The following GRID2 variants were observed in gnomAD, a reference collection of about 807,000 sequenced individuals.
GRID2 encodes glutamate receptor ionotropic, delta-2.
Under a neutral mutation model 114.8 loss-of-function variants are expected in GRID2, and 33 were observed. That is an observed-to-expected ratio of 0.29 (90% CI 0.22 to 0.38). The LOEUF (loss-of-function observed/expected upper bound fraction) is 0.38, where lower values mean the gene tolerates loss of function less well. Ranked by LOEUF, GRID2 falls within the 10% of genes least tolerant of loss-of-function variation. GRID2 has a pLI of 1.00. For missense variants in GRID2, 1,184 were observed against 1,257.7 expected (o/e 0.94, Z 0.89); for synonymous variants, 505 against 449.9 (o/e 1.12, Z -1.55).
At chr4:93,491,783 C>A (rs1442499833) in intron 12 of GRID2, among the ~76,000 whole-genome samples, 1 of 151,526 alleles carries the variant, frequency 6.6e-6, no homozygotes, top group Non-Finnish European at 1.5e-5. Context: ...CATTAGTAGC[C>A]ACAAAACTAT....
chr4:93,786,333 G>A (rs1307589232), intron 1 of GRID2, among the ~76,000 whole-genome samples: 3 of 152,192 alleles, frequency 2.0e-5, no homozygotes, highest in African/African-American at 7.2e-5. Context: ...CAGGAAAGGA[G>A]CTCAACCTAG....
At chr4:93,755,677 T>C (rs1447524607) in intron 14 of GRID2, among the ~76,000 whole-genome samples, 1 of 152,200 alleles carries the variant, frequency 6.6e-6, no homozygotes, top group Non-Finnish European at 1.5e-5. Flanking sequence ...ATGCTATACA[T>C]TTAATGATGT....
chr4:93,070,034 A>G (rs1023611107), intron 2 of GRID2, among the ~76,000 whole-genome samples: 1 of 152,088 alleles, frequency 6.6e-6, no homozygotes, highest in Admixed American at 6.6e-5. Flanking sequence ...TTTTGATTTT[A>G]TGTCTTCACT....
chr4:93,341,621 A>G (rs1251989457), intron 8 of GRID2, among the ~76,000 whole-genome samples: 3 of 152,120 alleles, frequency 2.0e-5, no homozygotes, highest in Non-Finnish European at 4.4e-5. Context: ...ACTGTTCCCA[A>G]CCTTTAGTAA....
At chr4:93,355,871 T>C (rs576180264) in intron 8 of GRID2, among the ~76,000 whole-genome samples, 2 of 152,164 alleles carry the variant, frequency 1.3e-5, no homozygotes, top group African/African-American at 4.8e-5. Context: ...CAAGAAAGTA[T>C]GATCCTACTA....
At chr4:93,510,301 T>C (rs1472287940) in intron 12 of GRID2, among the ~76,000 whole-genome samples, 1 of 152,144 alleles carries the variant, frequency 6.6e-6, no homozygotes, top group Non-Finnish European at 1.5e-5. Context: ...AGGCTAAATG[T>C]AGTTTTTAAT....
intron 8 of GRID2, among the ~76,000 whole-genome samples, chr4:93,295,979 T>C (rs1352399992): frequency 2.6e-5 from 4 of 152,202 alleles, no homozygotes; most frequent in African/African-American, 9.7e-5. Flanking sequence ...AGAGCTGTAT[T>C]TGTTTCCTAT....
At chr4:93,266,275 C>T (rs1750819374) in intron 8 of GRID2, among the ~76,000 whole-genome samples, 1 of 152,052 alleles carries the variant, frequency 6.6e-6, no homozygotes, top group Non-Finnish European at 1.5e-5. Context: ...TATTCGAGGA[C>T]CTACTGTATA....
rs1271268494 is a variant in GRID2 at position 93,377,709 on chromosome 4, T to C, written c.1246-17898T>C. On this transcript the variant is annotated intron_variant, in intron 8 of 15. Transcript: ENST00000282020. The stretch of plus-strand genomic sequence containing the variant: ...GAATAAAATATTATAATAACACTTC[T>C]GAGGATTGAGATGATGTTTGAAGTT... Among the ~76,000 whole-genome samples the C allele has an allele frequency of 3.9e-5, 6 of 152,316 alleles. No homozygotes were observed. The East Asian group carries it at 1.2e-3, about 29-fold the overall frequency.
chr4:92,652,692 C>A (rs1203837911), intron 2 of GRID2, among the ~76,000 whole-genome samples: 1 of 134,988 alleles, frequency 7.4e-6, no homozygotes, highest in Non-Finnish European at 1.6e-5. Context: ...TAATTTTGGC[C>A]GGGCGCGGTG....
At chr4:93,647,993 A>G (rs1722258645) in intron 14 of GRID2, among the ~76,000 whole-genome samples, 3 of 152,190 alleles carry the variant, frequency 2.0e-5, no homozygotes, top group Non-Finnish European at 4.4e-5. Context: ...ACACTGACAC[A>G]TAGAGTAGCT....
chr4:92,898,619 GGA>G (rs1747342006), intron 2 of GRID2, among the ~76,000 whole-genome samples: 1 of 152,106 alleles, frequency 6.6e-6, no homozygotes, highest in African/African-American at 2.4e-5. Flanking sequence ...GAGAGAAAAA[GGA>G]GAGAGCCTTC....
At chr4:93,144,631 A>G (rs1451950311) in intron 4 of GRID2, among the ~76,000 whole-genome samples, 1 of 152,190 alleles carries the variant, frequency 6.6e-6, no homozygotes, top group African/African-American at 2.4e-5. Flanking sequence ...GAAATAGCCC[A>G]AAGTCATAAA....
At chr4:93,375,020 A>G (rs990919188) in intron 8 of GRID2, among the ~76,000 whole-genome samples, 3 of 152,032 alleles carry the variant, frequency 2.0e-5, no homozygotes, top group African/African-American at 7.2e-5. Flanking sequence ...TAACAACATT[A>G]GATTTGTACA....
rs774420172 is a variant in GRID2 at position 93,455,820 on chromosome 4, T to C, written c.1704T>C (p.Ser568=). 22 of 1,613,808 alleles carry C rather than the reference T, an allele frequency of 1.4e-5. No homozygotes were observed. Among genetic ancestry groups the C allele is most frequent in the South Asian group, 3.3e-5 (3 of 91,080 alleles). The change falls in exon 11 of 16, where the codon TCT becomes TCC. Residue 568 remains serine (S), a synonymous_variant. Coordinates refer to ENST00000282020, the MANE Select transcript of GRID2 (RefSeq NM_001510.4). ...MFACLAPFDL[S]LWACIAGTVL... ...CCTGTCTTGCACCATTTGATCTCTCTCTATGGGCTTGCATTGCTGGCACAG... is the reference window on the plus strand; with the variant it reads ...CCTGTCTTGCACCATTTGATCTCTCCCTATGGGCTTGCATTGCTGGCACAG...
intron 1 of GRID2, among the ~76,000 whole-genome samples, chr4:92,521,295 G>C (rs993888515): frequency 2.0e-5 from 3 of 151,724 alleles, no homozygotes; most frequent in African/African-American, 7.3e-5. Flanking sequence ...CTTGACACAT[G>C]ATTTATCTAT....
chr4:92,866,142 T>G (rs1466050212), intron 2 of GRID2, among the ~76,000 whole-genome samples: 1 of 152,184 alleles, frequency 6.6e-6, no homozygotes, highest in Non-Finnish European at 1.5e-5. Flanking sequence ...TGAGGATATT[T>G]GGGATAGTGA....
intron 2 of GRID2, among the ~76,000 whole-genome samples, chr4:92,931,649 T>G (rs2149521003): frequency 6.7e-6 from 1 of 149,502 alleles, no homozygotes; most frequent in Admixed American, 6.7e-5. Context: ...CACACAGCAT[T>G]CGGAATAGAT....
chr4:93,494,079 A>G (rs557125588), intron 12 of GRID2, among the ~76,000 whole-genome samples: 196 of 151,944 alleles, frequency 1.3e-3, no homozygotes, highest in African/African-American at 4.7e-3. Context: ...AACATTCAAA[A>G]TCTCATTTGT....
Sources: allele counts gnomAD v4.1 joint callset (sites outside exome capture counted in the v4.1 genomes callset), GRCh38; gene constraint gnomAD v4.1.1; transcripts MANE v1.5; gene names NCBI Gene and HGNC (gene_info 2026-07-23, HGNC 2026-07-21).